PTPRK: variants seen among roughly 807,000 people sequenced by gnomAD.
The protein encoded by PTPRK is receptor-type tyrosine-protein phosphatase kappa.
PTPRK carries 75 observed loss-of-function variants against 178.0 expected under a neutral mutation model. The observed-to-expected ratio is 0.42, with a 90% CI of 0.35 to 0.51. The LOEUF (loss-of-function observed/expected upper bound fraction) is 0.51, where lower values mean the gene tolerates loss of function less well. Among genes scored for constraint, PTPRK ranks in the 20% least tolerant of loss-of-function variants. The pLI, the probability that PTPRK is intolerant of heterozygous loss-of-function variation, is 0.02. For missense variants in PTPRK, 1,441 were observed against 1,797.8 expected (o/e 0.80, Z 3.59); for synonymous variants, 637 against 620.6 (o/e 1.03, Z -0.39).
At chr6:128,212,907 T>A in intron 6 of PTPRK, among the ~76,000 whole-genome samples, 1 of 152,002 alleles carries the variant, frequency 6.6e-6, no homozygotes, top group Non-Finnish European at 1.5e-5. Flanking sequence ...GGAGTAGCTA[T>A]AAGGAAACTC....
At chr6:128,263,845 C>A (rs1256860295) in intron 3 of PTPRK, among the ~76,000 whole-genome samples, 1 of 152,038 alleles carries the variant, frequency 6.6e-6, no homozygotes, top group Non-Finnish European at 1.5e-5. Context: ...TGAAAGAGTA[C>A]CTTGTAGAGG....
chr6:128,125,108 T>A (rs1793125078), intron 7 of PTPRK, among the ~76,000 whole-genome samples: 2 of 152,250 alleles, frequency 1.3e-5, no homozygotes, highest in South Asian at 4.1e-4. Context: ...TTCTGTACAA[T>A]CCTAACTCAT....
At chr6:128,453,761 A>G (rs1357788078) in intron 1 of PTPRK, among the ~76,000 whole-genome samples, 3 of 152,144 alleles carry the variant, frequency 2.0e-5, no homozygotes, top group Non-Finnish European at 4.4e-5. Flanking sequence ...CAAGCTCTAC[A>G]TTGGTGCTAC....
chr6:128,046,067 T>C (rs1385660548), intron 13 of PTPRK, among the ~76,000 whole-genome samples: 2 of 152,168 alleles, frequency 1.3e-5, no homozygotes, highest in Non-Finnish European at 2.9e-5. Flanking sequence ...CAGGAAATAT[T>C]AGTGCCTAAC....
chr6:128,011,729 C>T (rs535229790), intron 13 of PTPRK, among the ~76,000 whole-genome samples: 2 of 150,938 alleles, frequency 1.3e-5, no homozygotes, highest in Non-Finnish European at 3.0e-5. Flanking sequence ...TAAGATCTTA[C>T]AAGTAATATA....
At chr6:128,465,410 G>A (rs796636803) in intron 1 of PTPRK, among the ~76,000 whole-genome samples, 1 of 151,892 alleles carries the variant, frequency 6.6e-6, no homozygotes, top group Non-Finnish European at 1.5e-5. Context: ...TTAATCTGTG[G>A]AAAGACAATT....
At position 127,985,622 on chromosome 6, in the gene PTPRK, T is replaced by A; in HGVS notation, c.3251+99A>T. On this transcript the variant is annotated intron_variant, in intron 22 of 29. Coordinates refer to ENST00000368226, the MANE Select transcript of PTPRK (RefSeq NM_002844.4). ...ATCTATAATACAAGCAAGCTGGAAC[T>A]TCGTAAGCACACATTAGTTTTTGTG... is the stretch of plus-strand genomic sequence containing the variant. 2.3e-6 allele frequency: 3 copies of A among 1,322,802 alleles called. No homozygotes were observed. The Admixed American group carries it at 6.9e-5, about 30-fold the overall frequency. The allele number at this position is 1,322,802 out of a possible 1,614,324, so 81.9% of individuals were successfully genotyped here.
intron 1 of PTPRK, among the ~76,000 whole-genome samples, chr6:128,412,103 G>A (rs1842370156): frequency 6.6e-6 from 1 of 152,150 alleles, no homozygotes; most frequent in African/African-American, 2.4e-5. Context: ...TGGTGATATG[G>A]AGCAGATCTT....
intron 13 of PTPRK, among the ~76,000 whole-genome samples, chr6:128,047,640 T>A (rs573903897): frequency 3.6e-4 from 55 of 152,284 alleles, no homozygotes; most frequent in African/African-American, 1.3e-3. Context: ...TTTAAAAATA[T>A]CATGGTAATG....
At chr6:128,193,639 T>C (rs948830065) in intron 6 of PTPRK, among the ~76,000 whole-genome samples, 1 of 152,194 alleles carries the variant, frequency 6.6e-6, no homozygotes, top group African/African-American at 2.4e-5. Context: ...AGAATTACAG[T>C]ATTTAATGTC....
Position 128,494,644 on chromosome 6 carries a change from C to T in PTPRK, c.100+25615G>A, listed in dbSNP as rs192690775. 1.1e-3 allele frequency among the ~76,000 whole-genome samples: 171 copies of T among 152,298 alleles called. 1 individual carries two copies. Among genetic ancestry groups the T allele is most frequent in the African/African-American group, 3.8e-3 (159 of 41,554 alleles). Reference sequence around the variant, plus strand: ...AAAATGTTTACAGGATTTATCTTGACGCTTTGGGAAGGAAAATAAAATATT... The same window carrying T: ...AAAATGTTTACAGGATTTATCTTGATGCTTTGGGAAGGAAAATAAAATATT... On this transcript the variant is annotated intron_variant, in intron 1 of 29. Transcript: ENST00000368226.
intron 3 of PTPRK, among the ~76,000 whole-genome samples, chr6:128,259,370 T>C (rs1228419330): frequency 1.2e-4 from 19 of 152,108 alleles, no homozygotes. Flanking sequence ...AAAAATAGAA[T>C]ATGAAGAGGA....
At chr6:128,081,225 A>G (rs1041681284) in intron 10 of PTPRK, among the ~76,000 whole-genome samples, 3 of 152,080 alleles carry the variant, frequency 2.0e-5, no homozygotes, top group African/African-American at 7.2e-5. Flanking sequence ...GATTCAATAC[A>G]TATTTTAAAT....
At chr6:128,510,650 C>A (rs188228558) in intron 1 of PTPRK, among the ~76,000 whole-genome samples, 1 of 152,230 alleles carries the variant, frequency 6.6e-6, no homozygotes, top group East Asian at 1.9e-4. Flanking sequence ...TGTATAAATT[C>A]TGTCATGATA....
chr6:128,071,835 T>C (rs1040394009), intron 11 of PTPRK, among the ~76,000 whole-genome samples: 6 of 152,116 alleles, frequency 3.9e-5, no homozygotes, highest in African/African-American at 7.2e-5. Context: ...CCTTCATTGT[T>C]CAATCTGAAA....
chr6:128,384,042 G>A (rs1281456651), intron 2 of PTPRK, among the ~76,000 whole-genome samples: 4 of 152,086 alleles, frequency 2.6e-5, no homozygotes, highest in Admixed American at 6.6e-5. Flanking sequence ...TTCAGAGAAG[G>A]ATAATTTTTT....
intron 7 of PTPRK, among the ~76,000 whole-genome samples, chr6:128,158,372 C>T (rs1032762528): frequency 3.3e-5 from 5 of 151,808 alleles, no homozygotes; most frequent in Non-Finnish European, 7.4e-5. Context: ...AACAAACCTG[C>T]GCGTTGTGCA....
chr6:128,503,842 T>TTGTGTGTGTG (rs57723685), intron 1 of PTPRK, among the ~76,000 whole-genome samples: 2,341 of 139,946 alleles, frequency 0.017, 33 homozygotes, highest in African/African-American at 0.023. Flanking sequence ...CTGGTTATTA[T>TTGTGTGTGTG]TGTGTGTGTG....
intron 6 of PTPRK, among the ~76,000 whole-genome samples, chr6:128,213,052 C>A (rs1808514900): frequency 6.6e-6 from 1 of 151,960 alleles, no homozygotes; most frequent in African/African-American, 2.4e-5. Context: ...TTTTCTACTA[C>A]TCTTAAATAA....
Sources: gnomAD v4.1 joint callset for allele counts (sites outside exome capture counted in the v4.1 genomes callset) on GRCh38, gnomAD v4.1.1 for gene constraint, MANE v1.5 for transcripts, NCBI Gene and HGNC (gene_info 2026-07-23, HGNC 2026-07-21) for gene names.